Variants in TUBD1 observed in about 807,000 individuals in gnomAD.
TUBD1 encodes the protein tubulin delta chain.
A neutral mutation model predicts 51.2 loss-of-function variants in TUBD1; 38 were observed. The ratio of observed to expected loss-of-function variants is 0.74; its 90% confidence interval spans 0.57 to 0.97. TUBD1 has a LOEUF of 0.97. Ranked by LOEUF, TUBD1 falls within the 50% of genes least tolerant of loss-of-function variation. TUBD1 has a pLI of 0.00. For synonymous variants in TUBD1, 169 were observed against 178.2 expected (o/e 0.95, Z 0.41); for missense variants, 489 against 538.4 (o/e 0.91, Z 0.91).
At chr17:59,870,293 AACC>A (rs1463955824) in intron 6 of TUBD1, among the ~76,000 whole-genome samples, 1 of 144,728 alleles carries the variant, frequency 6.9e-6, no homozygotes, top group Non-Finnish European at 1.5e-5. Context: ...GGATCACCTG[AACC>A]TGGGAGGTGG....
At chr17:59,876,017 T>C (rs1224633176) in intron 5 of TUBD1, among the ~76,000 whole-genome samples, 2 of 152,070 alleles carry the variant, frequency 1.3e-5, no homozygotes, top group African/African-American at 4.8e-5. Context: ...AGAACAAATT[T>C]TGACACAAAC....
Position 59,863,855 on chromosome 17 carries a change from A to G in TUBD1, c.1076-8T>C. 1 of 1,488,632 alleles carries G rather than the reference A, an allele frequency of 6.7e-7. No homozygotes were observed. Among genetic ancestry groups the G allele is most frequent in the South Asian group, 1.4e-5 (1 of 72,322 alleles). The allele number at this position is 1,488,632 out of a possible 1,614,324, so 92.2% of individuals were successfully genotyped here. On this transcript the variant is annotated splice_region_variant and splice_polypyrimidine_tract_variant and intron_variant, in intron 7 of 8. Transcript: ENST00000325752. ...CTGGATCTTTAAATCCCTCTAGAGT[A>G]AAAACAAGATAAGCCGTCTTTTTAT...
At chr17:59,867,735 G>A (rs149236327) in intron 6 of TUBD1, among the ~76,000 whole-genome samples, 9 of 151,946 alleles carry the variant, frequency 5.9e-5, no homozygotes, top group Non-Finnish European at 1.5e-5. Flanking sequence ...ATTTTGGACC[G>A]ATGTGCTAAT....
chr17:59,889,052 A>G (rs1452503182), intron 2 of TUBD1, among the ~76,000 whole-genome samples: 14 of 107,252 alleles, frequency 1.3e-4, no homozygotes, highest in Admixed American at 4.3e-4. Context: ...ATCTCGCTCT[A>G]TTTCCCAGGC....
At chr17:59,869,454 G>A (rs1284196819) in intron 6 of TUBD1, among the ~76,000 whole-genome samples, 2 of 150,454 alleles carry the variant, frequency 1.3e-5, no homozygotes, top group African/African-American at 4.9e-5. Flanking sequence ...CAGCCTGGGT[G>A]ACAGAGCAAG....
At chr17:59,882,191 C>T (rs550970027) in intron 3 of TUBD1, among the ~76,000 whole-genome samples, 4 of 151,942 alleles carry the variant, frequency 2.6e-5, no homozygotes, top group East Asian at 1.9e-4. Context: ...GAATTACAGG[C>T]ATGAGCCACT....
In TUBD1 at chr17:59,873,819, C is replaced by T. The variant is rs572599978; in HGVS notation, c.934+720G>A. 1.2e-3 allele frequency among the ~76,000 whole-genome samples: 188 copies of T among 151,938 alleles called. 1 individual carries two copies. The highest frequency in any genetic ancestry group is 2.9e-3 in the South Asian group (14 of 4,818). On this transcript the variant is annotated intron_variant, in intron 6 of 8. Transcript: ENST00000325752. The stretch of plus-strand genomic sequence containing the variant: ...GGCAGAGGTTGCAGTGAGCCGAGAT[C>T]GCGCCACTGCACTCCAGCCTGGGTG...
intron 2 of TUBD1, among the ~76,000 whole-genome samples, chr17:59,890,017 TGGTGGCA>T: frequency 7.3e-6 from 1 of 136,294 alleles, no homozygotes; most frequent in South Asian, 2.3e-4. Flanking sequence ...GAGCCAGGCA[TGGTGGCA>T]TGCACCTGCA....
chr17:59,880,939 G>A lies in TUBD1; in HGVS notation c.492C>T (p.Asn164=). ...AAATAATCTGATTCATTTTCAATGA[G>A]TTTGAGTACTGATCTTCTAAATTCT... ...VTQNLEDQYS[N]SLKMNQIIWP... The change falls in exon 4 of 9, where the codon AAC becomes AAT. Residue 164 remains asparagine (N), a synonymous_variant. Coordinates refer to ENST00000325752, the MANE Select transcript of TUBD1 (RefSeq NM_016261.4). 6.2e-7 allele frequency: 1 copy of A among 1,614,150 alleles called. No homozygotes were observed. The highest frequency in any genetic ancestry group is 2.2e-5 in the East Asian group (1 of 44,882).
At chr17:59,868,108 CAAAAAAAAAA>C (rs35401242) in intron 6 of TUBD1, among the ~76,000 whole-genome samples, 69 of 26,802 alleles carry the variant, frequency 2.6e-3, no homozygotes, top group African/African-American at 7.1e-3. Context: ...ACTAAAAATA[CAAAAAAAAAA>C]AAAAAAAAAA....
intron 3 of TUBD1, chr17:59,885,350 T>C (rs2144561515): frequency 1.4e-6 from 1 of 705,620 alleles, no homozygotes; most frequent in South Asian, 1.5e-5. Context: ...ACCAGGAATA[T>C]GTCCCCCACA....
At chr17:59,887,938 CTTT>C (rs11361835) in intron 2 of TUBD1, among the ~76,000 whole-genome samples, 1 of 144,716 alleles carries the variant, frequency 6.9e-6, no homozygotes, top group Non-Finnish European at 1.5e-5. Context: ...TGTTAGATGT[CTTT>C]TTTTTTTTTT....
chr17:59,863,971 A>T, intron 7 of TUBD1, 124 bp from the exon 8 acceptor site: 2 of 882,596 alleles, frequency 2.3e-6, no homozygotes, highest in Non-Finnish European at 3.1e-6. Context: ...AAAACTTGTG[A>T]TGGCTGGTGC....
intron 2 of TUBD1, among the ~76,000 whole-genome samples, chr17:59,889,967 CAAA>C (rs35427875): frequency 7.2e-5 from 5 of 69,384 alleles, no homozygotes; most frequent in African/African-American, 1.1e-4. Context: ...GAGACTCTCT[CAAA>C]AAAAAAAAAA....
intron 4 of TUBD1, among the ~76,000 whole-genome samples, chr17:59,880,548 TC>T (rs1345118789): frequency 6.6e-6 from 1 of 152,042 alleles, no homozygotes; most frequent in Non-Finnish European, 1.5e-5. Flanking sequence ...GGAGTCTTGC[TC>T]TATTGCCCAG....
intron 4 of TUBD1, among the ~76,000 whole-genome samples, chr17:59,879,233 A>G (rs1343843273): frequency 1.4e-5 from 2 of 144,784 alleles, no homozygotes. Flanking sequence ...GTGCCATTGC[A>G]CTCCAGCCTG....
chr17:59,892,921 C>T lies in TUBD1; in HGVS notation c.-264G>A. On this transcript the variant is annotated 5_prime_UTR_variant, in exon 1 of 9. In the 5' UTR this introduces an upstream ATG that the reference lacks. Coordinates refer to ENST00000325752, the MANE Select transcript of TUBD1 (RefSeq NM_016261.4). ...ATATGGTACGCATGCTCACTGTCCA[C>T]CGAACGCTCCAGCTGACAATGCGCA... 4.0e-6 allele frequency: 2 copies of T among 493,946 alleles called. No individual in the cohort carries two copies. Among genetic ancestry groups the T allele is most frequent in the South Asian group, 6.1e-5 (2 of 33,052 alleles). 30.6% of individuals were successfully genotyped at this position (493,946 alleles called of 1,614,324 possible).
chr17:59,867,506 G>A (rs1303546856), intron 6 of TUBD1, among the ~76,000 whole-genome samples: 1 of 150,828 alleles, frequency 6.6e-6, no homozygotes, highest in Non-Finnish European at 1.5e-5. Context: ...CCAGGAGTTC[G>A]AGACCAGCCT....
chr17:59,886,368 C>T (rs1235562378), intron 2 of TUBD1, 138 bp from the exon 3 acceptor site: 5 of 880,140 alleles, frequency 5.7e-6, no homozygotes, highest in East Asian at 2.7e-5. Context: ...AAAGATCTGT[C>T]GTACTGCTTA....
Sources: allele counts gnomAD v4.1 joint callset (sites outside exome capture counted in the v4.1 genomes callset), GRCh38; gene constraint gnomAD v4.1.1; transcripts MANE v1.5; gene names NCBI Gene and HGNC (gene_info 2026-07-23, HGNC 2026-07-21).